The following ST6GAL2 variants were observed in gnomAD, a reference collection of about 807,000 sequenced individuals.
ST6GAL2 encodes the protein ST6 beta-galactoside alpha-2,6-sialyltransferase 2, also known as beta-galactoside alpha-2,6-sialyltransferase 2.
In ST6GAL2, 24 loss-of-function variants were observed where a neutral mutation model predicts 37.5. The observed-to-expected ratio is 0.64, with a 90% CI of 0.46 to 0.90. The LOEUF (loss-of-function observed/expected upper bound fraction) is 0.90, where lower values mean the gene tolerates loss of function less well. ST6GAL2 is among the 40% of genes least tolerant of loss of function. The pLI, the probability that ST6GAL2 is intolerant of heterozygous loss-of-function variation, is 0.00. For missense variants in ST6GAL2, 715 were observed against 712.7 expected, an observed-to-expected ratio of 1.00 and a Z score of -0.04; for synonymous variants, 306 against 295.1, an observed-to-expected ratio of 1.04 and a Z score of -0.38.
chr2:106,824,134 T>C (rs1676113477), intron 5 of ST6GAL2, among the ~76,000 whole-genome samples: 1 of 152,194 alleles, frequency 6.6e-6, no homozygotes, highest in Non-Finnish European at 1.5e-5. Context: ...AATCAGTATA[T>C]TCAAGAATCT....
chr2:106,877,624 C>A (rs1343813431), intron 1 of ST6GAL2, among the ~76,000 whole-genome samples: 1 of 152,204 alleles, frequency 6.6e-6, no homozygotes, highest in Non-Finnish European at 1.5e-5. Context: ...TTGAACATGC[C>A]AAGAGGCTTA....
intron 1 of ST6GAL2, among the ~76,000 whole-genome samples, chr2:106,853,063 T>A (rs1279212000): frequency 6.6e-6 from 1 of 152,014 alleles, no homozygotes; most frequent in Non-Finnish European, 1.5e-5. Context: ...CCAGAAAAAA[T>A]TGCTGGGGTC....
chr2:106,849,353 T>C (rs1677266074), intron 1 of ST6GAL2, among the ~76,000 whole-genome samples: 1 of 152,094 alleles, frequency 6.6e-6, no homozygotes, highest in Non-Finnish European at 1.5e-5. Context: ...CCCTTTGATA[T>C]GTGGACACAA....
intron 5 of ST6GAL2, among the ~76,000 whole-genome samples, chr2:106,810,707 T>C (rs1573201403): frequency 6.6e-6 from 1 of 152,318 alleles, no homozygotes; most frequent in East Asian, 1.9e-4. Flanking sequence ...CCCAGTACTT[T>C]GGGAGGTCAA....
At chr2:106,808,641 C>T (rs923456112) in intron 5 of ST6GAL2, among the ~76,000 whole-genome samples, 1 of 152,064 alleles carries the variant, frequency 6.6e-6, no homozygotes, top group Non-Finnish European at 1.5e-5. Flanking sequence ...CCCAGATGCT[C>T]GAAATGTCTG....
At chr2:106,844,291 A>G (rs1399782708) in intron 1 of ST6GAL2, among the ~76,000 whole-genome samples, 1 of 149,806 alleles carries the variant, frequency 6.7e-6, no homozygotes, top group African/African-American at 2.4e-5. Flanking sequence ...GAGGCGATGG[A>G]TGGGTGTATA....
intron 2 of ST6GAL2, among the ~76,000 whole-genome samples, chr2:106,837,544 C>T (rs1344800211): frequency 6.6e-6 from 1 of 152,124 alleles, no homozygotes; most frequent in African/African-American, 2.4e-5. Flanking sequence ...CTAGGGAAAC[C>T]CTCTGGTTGC....
Position 106,844,018 on chromosome 2 carries a change from T to G in ST6GAL2, c.-41A>C, listed in dbSNP as rs12473361. On this transcript the variant is annotated 5_prime_UTR_variant, in exon 2 of 6. Coordinates refer to ENST00000409382, the MANE Select transcript of ST6GAL2 (RefSeq NM_001142351.2). The stretch of plus-strand genomic sequence containing the variant: ...TCAGCACCTTGTGTCTTAATGCAGA[T>G]GGGTGGCAGAATGAACCTGAAAAAC... 606,577 of 1,493,460 alleles carry G rather than the reference T, an allele frequency of 0.41. 128,813 individuals are homozygous for G. Among genetic ancestry groups the G allele is most frequent in the Non-Finnish European group, 0.44 (495,643 of 1,117,176 alleles). The allele number at this position is 1,493,460 out of a possible 1,614,324, so 92.5% of individuals were successfully genotyped here. A position where few individuals can be genotyped will look rare whatever the true frequency, so the allele number is the denominator to read the frequency against.
intron 1 of ST6GAL2, among the ~76,000 whole-genome samples, chr2:106,860,273 C>A (rs1677744314): frequency 6.6e-6 from 1 of 152,274 alleles, no homozygotes; most frequent in East Asian, 1.9e-4. Context: ...GCAGGGTGAT[C>A]TGTCTTTCTG....
At chr2:106,864,032 T>G (rs1217667115) in intron 1 of ST6GAL2, among the ~76,000 whole-genome samples, 1 of 152,178 alleles carries the variant, frequency 6.6e-6, no homozygotes, top group African/African-American at 2.4e-5. Flanking sequence ...TTCCTTTGGA[T>G]TGCATGTCCC....
intron 1 of ST6GAL2, among the ~76,000 whole-genome samples, chr2:106,851,186 T>C (rs2121895): frequency 0.92 from 140,304 of 152,296 alleles, 64,727 homozygotes; most frequent in East Asian, 0.98. Flanking sequence ...TACTTTTTTC[T>C]ATTTCCATTC....
At chr2:106,813,863 G>A (rs1430482406) in intron 5 of ST6GAL2, among the ~76,000 whole-genome samples, 2 of 152,170 alleles carry the variant, frequency 1.3e-5, no homozygotes, top group Admixed American at 6.5e-5. Flanking sequence ...ACACTTTTCC[G>A]AATGAGGGGT....
chr2:106,848,035 TTC>T (rs1278315793), intron 1 of ST6GAL2, among the ~76,000 whole-genome samples: 1 of 151,782 alleles, frequency 6.6e-6, no homozygotes, highest in Admixed American at 6.6e-5. Context: ...TAATTTCTTT[TTC>T]TCTTTCTTTT....
At chr2:106,864,841 T>G (rs1487630825) in intron 1 of ST6GAL2, among the ~76,000 whole-genome samples, 1 of 152,228 alleles carries the variant, frequency 6.6e-6, no homozygotes, top group Non-Finnish European at 1.5e-5. Flanking sequence ...TAGCCACAGC[T>G]TTTAACAAAT....
intron 2 of ST6GAL2, among the ~76,000 whole-genome samples, chr2:106,842,190 C>T (rs1222240180): frequency 1.3e-5 from 2 of 152,346 alleles, no homozygotes; most frequent in East Asian, 3.9e-4. Flanking sequence ...CCTTCACGAT[C>T]ATGAGAGTCA....
intron 5 of ST6GAL2, among the ~76,000 whole-genome samples, chr2:106,815,326 CACTT>C (rs1185145834): frequency 2.0e-5 from 3 of 152,156 alleles, no homozygotes; most frequent in Non-Finnish European, 4.4e-5. Context: ...TCTATATAGT[CACTT>C]ACTGCACATA....
chr2:106,809,782 T>C (rs933050271), intron 5 of ST6GAL2, among the ~76,000 whole-genome samples: 4 of 152,188 alleles, frequency 2.6e-5, no homozygotes, highest in African/African-American at 9.7e-5. Flanking sequence ...TAAAATACCA[T>C]AATGAGGAAC....
intron 5 of ST6GAL2, among the ~76,000 whole-genome samples, chr2:106,819,884 CTTTA>C (rs575043690): frequency 1.3e-3 from 200 of 152,002 alleles, no homozygotes; most frequent in Non-Finnish European, 2.2e-3. Context: ...TTGGTTTTCT[CTTTA>C]TTTATGCAAT....
chr2:106,860,843 G>A (rs921820805), intron 1 of ST6GAL2, among the ~76,000 whole-genome samples: 20 of 152,144 alleles, frequency 1.3e-4, no homozygotes, highest in African/African-American at 4.1e-4. Context: ...CAATGGATAT[G>A]GAAACTTAGA....
Sources: allele counts gnomAD v4.1 joint callset (sites outside exome capture counted in the v4.1 genomes callset), GRCh38; gene constraint gnomAD v4.1.1; transcripts MANE v1.5; gene names NCBI Gene and HGNC (gene_info 2026-07-23, HGNC 2026-07-21).